Variants in PAAF1 observed in about 807,000 individuals in gnomAD.
PAAF1 encodes proteasomal ATPase associated factor 1.
PAAF1 carries 46 observed loss-of-function variants against 52.8 expected under a neutral mutation model. The observed-to-expected ratio is 0.87, with a 90% CI of 0.69 to 1.11. The LOEUF (loss-of-function observed/expected upper bound fraction) is 1.11. Among genes scored for constraint, PAAF1 ranks in the 50% most tolerant of loss-of-function variants. The probability of loss-of-function intolerance (pLI) is 0.00; values close to 1 mark genes in which losing one functional copy is unlikely to be tolerated. For missense variants in PAAF1, 424 were observed against 477.4 expected, an observed-to-expected ratio of 0.89 and a Z score of 1.04; for synonymous variants, 178 against 172.8, an observed-to-expected ratio of 1.03 and a Z score of -0.24.
At chr11:73,918,153 A>C (rs770028332) in intron 9 of PAAF1, among the ~76,000 whole-genome samples, 2 of 152,146 alleles carry the variant, frequency 1.3e-5, no homozygotes, top group East Asian at 3.9e-4. Flanking sequence ...ATATGAAGGC[A>C]TGTGAAGGGG....
In PAAF1 at chr11:73,924,847, A is replaced by G. The variant is rs28729523; in HGVS notation, c.1101+150A>G. 0.01 allele frequency: 6,456 copies of G among 623,612 alleles called. 316 individuals carry two copies. The African/African-American group carries it at 0.11, about 11-fold the overall frequency. 38.6% of individuals were successfully genotyped at this position (623,612 alleles called of 1,614,324 possible). On this transcript the variant is annotated intron_variant, in intron 11 of 11. Coordinates refer to ENST00000310571, the MANE Select transcript of PAAF1 (RefSeq NM_025155.3). ...TGTGGTAGGATGGCAAGAAATCAAG[A>G]GCTTAACTCAGAAGTGATTTCTGGG...
chr11:73,929,581 C>T lies in PAAF1; in HGVS notation c.*2219C>T, dbSNP rs1166591695. 6.6e-6 allele frequency: 1 copy of T among 152,252 alleles called. No homozygotes were observed. The highest frequency in any genetic ancestry group is 1.5e-5 in the Non-Finnish European group (1 of 68,038). 9.4% of individuals were successfully genotyped at this position (152,252 alleles called of 1,614,324 possible). A position where few individuals can be genotyped will look rare whatever the true frequency, so the allele number is the denominator to read the frequency against. ...CCAGAGGCTTCATTTGGACCTTGGA[C>T]AGCACCTTCTGCTGCACTGTGTAAT... is the stretch of plus-strand genomic sequence containing the variant. On this transcript the variant is annotated 3_prime_UTR_variant, in exon 12 of 12. Coordinates refer to ENST00000310571, the MANE Select transcript of PAAF1 (RefSeq NM_025155.3).
chr11:73,926,231 C>A (rs1192172627), intron 11 of PAAF1, among the ~76,000 whole-genome samples: 1 of 152,082 alleles, frequency 6.6e-6, no homozygotes, highest in Non-Finnish European at 1.5e-5. Context: ...CTCAGCCTCT[C>A]GAGCAGCTGG....
chr11:73,908,875 G>A (rs1366145184), intron 6 of PAAF1, among the ~76,000 whole-genome samples: 2 of 150,624 alleles, frequency 1.3e-5, no homozygotes, highest in Admixed American at 1.3e-4. Context: ...TGCAACCTAC[G>A]CCTCCCAGGT....
intron 1 of PAAF1, among the ~76,000 whole-genome samples, chr11:73,877,873 G>A (rs935802925): frequency 4.6e-5 from 7 of 152,084 alleles, no homozygotes; most frequent in Admixed American, 4.6e-4. Context: ...GTGACAGAGC[G>A]ATACTCATCT....
At chr11:73,917,366 A>G (rs1423138939) in intron 9 of PAAF1, among the ~76,000 whole-genome samples, 1 of 152,130 alleles carries the variant, frequency 6.6e-6, no homozygotes, top group Non-Finnish European at 1.5e-5. Context: ...TTAGTTATGT[A>G]GTTTTGATCA....
chr11:73,878,032 A>C (rs1948791688), intron 1 of PAAF1, among the ~76,000 whole-genome samples: 1 of 152,188 alleles, frequency 6.6e-6, no homozygotes, highest in Admixed American at 6.5e-5. Context: ...GCTACTACTA[A>C]TAAGGGTTTT....
chr11:73,919,622 T>C (rs1213517254), intron 10 of PAAF1, among the ~76,000 whole-genome samples: 1 of 152,164 alleles, frequency 6.6e-6, no homozygotes, highest in Non-Finnish European at 1.5e-5. Context: ...ACATACATAT[T>C]CTAGGTAAAG....
Position 73,927,308 on chromosome 11 carries a change from C to T in PAAF1, c.1125C>T (p.Ile375=), listed in dbSNP as rs747342025. 6.2e-7 allele frequency: 1 copy of T among 1,614,134 alleles called. No homozygotes were observed. The highest frequency in any genetic ancestry group is 2.2e-5 in the East Asian group (1 of 44,886). ...VYKVATWEKQ[I]YTCCRDGLVR... Reference sequence around the variant, plus strand: ...AGGTAGCCACATGGGAGAAGCAGATCTACACATGCTGTCGAGACGGTCTTG... The same window carrying T: ...AGGTAGCCACATGGGAGAAGCAGATTTACACATGCTGTCGAGACGGTCTTG... Residue 375 remains isoleucine, a synonymous_variant, in exon 12 of 12, where the codon ATC becomes ATT. Transcript: ENST00000310571.
intron 10 of PAAF1, chr11:73,922,004 T>C: frequency 1.2e-6 from 1 of 821,588 alleles, no homozygotes; most frequent in Admixed American, 1.8e-5. Flanking sequence ...TCCTGTCAGC[T>C]TCATTCTTAA....
chr11:73,881,928 G>T (rs1399280933), intron 2 of PAAF1, among the ~76,000 whole-genome samples: 1 of 152,054 alleles, frequency 6.6e-6, no homozygotes, highest in African/African-American at 2.4e-5. Flanking sequence ...AGGCTGAAGT[G>T]CAATGGTGCC....
intron 2 of PAAF1, among the ~76,000 whole-genome samples, chr11:73,881,731 G>T (rs887867304): frequency 3.9e-5 from 6 of 152,082 alleles, no homozygotes; most frequent in Non-Finnish European, 8.8e-5. Flanking sequence ...TTTTGAGATG[G>T]AGTCTCACTC....
At chr11:73,887,114 C>T (rs767766345) in intron 2 of PAAF1, 67 of 468,332 alleles carry the variant, frequency 1.4e-4, no homozygotes, top group Non-Finnish European at 2.4e-5. Flanking sequence ...GCCAAATAAA[C>T]CTCTTTTCTT....
chr11:73,899,936 A>G (rs1949550194), intron 5 of PAAF1, among the ~76,000 whole-genome samples: 1 of 152,188 alleles, frequency 6.6e-6, no homozygotes, highest in African/African-American at 2.4e-5. Context: ...AGATGAGTGA[A>G]AAAGTCCCCA....
intron 2 of PAAF1, among the ~76,000 whole-genome samples, chr11:73,884,535 G>A (rs2135131330): frequency 6.6e-6 from 1 of 152,276 alleles, no homozygotes; most frequent in Middle Eastern, 3.4e-3. Flanking sequence ...CACAAATGTG[G>A]AGAAGTCATT....
At chr11:73,924,004 T>TACACACACACACACAC (rs113973014) in intron 10 of PAAF1, among the ~76,000 whole-genome samples, 2 of 149,764 alleles carry the variant, frequency 1.3e-5, no homozygotes, top group African/African-American at 4.9e-5. Context: ...AGTTTATAAA[T>TACACACACACACACAC]ACACACACAC....
chr11:73,893,738 CAAAAAAAAAAAA>C (rs564348245), intron 4 of PAAF1, among the ~76,000 whole-genome samples: 4 of 71,968 alleles, frequency 5.6e-5, no homozygotes, highest in African/African-American at 1.1e-4. Context: ...ACTCTGTCTC[CAAAAAAAAAAAA>C]AAAAAAAAAA....
intron 2 of PAAF1, among the ~76,000 whole-genome samples, chr11:73,885,155 T>C (rs1257040448): frequency 6.6e-6 from 1 of 151,294 alleles, no homozygotes; most frequent in Non-Finnish European, 1.5e-5. Flanking sequence ...TTCTTTTTTT[T>C]TGAGATGGAG....
chr11:73,880,886 G>C (rs1948886556), intron 2 of PAAF1, among the ~76,000 whole-genome samples: 2 of 151,792 alleles, frequency 1.3e-5, no homozygotes, highest in South Asian at 2.1e-4. Context: ...TGTAATCCCA[G>C]CTACTCGGAA....
Sources: allele counts gnomAD v4.1 joint callset (sites outside exome capture counted in the v4.1 genomes callset), GRCh38; gene constraint gnomAD v4.1.1; transcripts MANE v1.5; gene names NCBI Gene and HGNC (gene_info 2026-07-23, HGNC 2026-07-21).